The following NKAIN2 variants were observed in gnomAD, a reference collection of about 807,000 sequenced individuals.
The protein encoded by NKAIN2 is sodium/potassium transporting ATPase interacting 2, also known as sodium/potassium-transporting ATPase subunit beta-1-interacting protein 2.
Under a neutral mutation model 32.6 loss-of-function variants are expected in NKAIN2, and 14 were observed. That is an observed-to-expected ratio of 0.43 (90% CI 0.28 to 0.67). The LOEUF is 0.67. NKAIN2 is among the 30% of genes least tolerant of loss of function. The pLI is 0.17. For missense variants in NKAIN2, 198 were observed against 258.3 expected (o/e 0.77, Z 1.60); for synonymous variants, 80 against 87.2 (o/e 0.92, Z 0.46).
At chr6:123,958,839 A>G (rs1777715492) in intron 1 of NKAIN2, among the ~76,000 whole-genome samples, 1 of 152,256 alleles carries the variant, frequency 6.6e-6, no homozygotes, top group African/African-American at 2.4e-5. Context: ...CAGATGAGTG[A>G]AAGAATGAAT....
chr6:124,299,426 A>T (rs546713312), intron 2 of NKAIN2, among the ~76,000 whole-genome samples: 1 of 152,274 alleles, frequency 6.6e-6, no homozygotes, highest in African/African-American at 2.4e-5. Context: ...TATTTTTCCT[A>T]CATTTTCTCC....
chr6:124,392,537 C>T (rs903459406), intron 3 of NKAIN2, among the ~76,000 whole-genome samples: 6 of 151,730 alleles, frequency 4.0e-5, no homozygotes, highest in Non-Finnish European at 7.4e-5. Context: ...TGTGTGTGTG[C>T]GCTTGTGTGT....
intron 3 of NKAIN2, among the ~76,000 whole-genome samples, chr6:124,509,779 C>T (rs1778639274): frequency 6.6e-6 from 1 of 152,172 alleles, no homozygotes; most frequent in Non-Finnish European, 1.5e-5. Context: ...GTTTGTTTAT[C>T]TCATGCGATT....
intron 1 of NKAIN2, among the ~76,000 whole-genome samples, chr6:124,257,780 CTT>C (rs374874073): frequency 5.9e-5 from 8 of 136,184 alleles, no homozygotes; most frequent in East Asian, 2.1e-4. Context: ...TTTTTCTTTT[CTT>C]TTTTTTTTTT....
intron 3 of NKAIN2, among the ~76,000 whole-genome samples, chr6:124,559,754 G>T (rs1263266744): frequency 2.6e-5 from 4 of 151,290 alleles, no homozygotes; most frequent in Non-Finnish European, 5.9e-5. Context: ...CCTGGGTTCT[G>T]GTCTGAGGAC....
intron 1 of NKAIN2, among the ~76,000 whole-genome samples, chr6:124,111,505 G>A (rs1034940083): frequency 1.3e-5 from 2 of 151,952 alleles, no homozygotes; most frequent in Non-Finnish European, 2.9e-5. Context: ...TCATTTGTCT[G>A]ATGTACCCCT....
At chr6:123,858,385 G>A (rs760266005) in intron 1 of NKAIN2, among the ~76,000 whole-genome samples, 4 of 152,082 alleles carry the variant, frequency 2.6e-5, no homozygotes, top group Non-Finnish European at 5.9e-5. Context: ...CAAAGTGCTG[G>A]GATTACAGGC....
At chr6:124,569,386 C>A (rs1195069935) in intron 3 of NKAIN2, among the ~76,000 whole-genome samples, 1 of 152,094 alleles carries the variant, frequency 6.6e-6, no homozygotes, top group South Asian at 2.1e-4. Flanking sequence ...TCCCTAACAG[C>A]TTATAATGTG....
chr6:124,644,657 G>T (rs1784107325), intron 3 of NKAIN2, among the ~76,000 whole-genome samples: 4 of 151,916 alleles, frequency 2.6e-5, no homozygotes, highest in Admixed American at 2.6e-4. Context: ...GCCTGCCTCG[G>T]CCCCCCCAAA....
At chr6:123,811,621 T>C (rs2114864077) in intron 1 of NKAIN2, among the ~76,000 whole-genome samples, 1 of 139,604 alleles carries the variant, frequency 7.2e-6, no homozygotes, top group South Asian at 2.4e-4. Flanking sequence ...AAATAATTCC[T>C]GACCTATTTA....
intron 4 of NKAIN2, among the ~76,000 whole-genome samples, chr6:124,679,763 G>C (rs1429119469): frequency 1.3e-5 from 2 of 152,052 alleles, no homozygotes; most frequent in African/African-American, 4.8e-5. Context: ...TTTTTTCACA[G>C]AATAGGTCTT....
intron 4 of NKAIN2, among the ~76,000 whole-genome samples, chr6:124,734,361 T>C (rs1776837589): frequency 1.3e-5 from 2 of 151,866 alleles, no homozygotes; most frequent in African/African-American, 4.8e-5. Context: ...CCTTCAGCCT[T>C]ATCTACAGTT....
chr6:124,493,717 C>CAAAA (rs71021496), intron 3 of NKAIN2, among the ~76,000 whole-genome samples: 15 of 85,844 alleles, frequency 1.7e-4, no homozygotes, highest in African/African-American at 7.8e-4. Flanking sequence ...CCCCCCCCTC[C>CAAAA]AAAAAAAAAA....
intron 4 of NKAIN2, among the ~76,000 whole-genome samples, chr6:124,675,810 TA>T (rs952710922): frequency 1.6e-4 from 24 of 152,156 alleles, no homozygotes; most frequent in African/African-American, 4.6e-4. Context: ...GTTTTTTTAA[TA>T]TTTTTTTCCA....
At chr6:123,825,562 A>G (rs959771294) in intron 1 of NKAIN2, among the ~76,000 whole-genome samples, 1 of 152,078 alleles carries the variant, frequency 6.6e-6, no homozygotes, top group Non-Finnish European at 1.5e-5. Context: ...TGGATAATTT[A>G]CTTTTTCTCA....
At chr6:124,223,225 A>T in intron 1 of NKAIN2, among the ~76,000 whole-genome samples, 1 of 135,344 alleles carries the variant, frequency 7.4e-6, no homozygotes, top group East Asian at 2.2e-4. Flanking sequence ...AAAAAAAAAA[A>T]AAAAAAAAAA....
intron 4 of NKAIN2, among the ~76,000 whole-genome samples, chr6:124,761,923 T>C (rs551532327): frequency 6.6e-6 from 1 of 152,282 alleles, no homozygotes; most frequent in South Asian, 2.1e-4. Flanking sequence ...GTATACCCCA[T>C]AATCTCAATT....
At chr6:124,470,889 G>T (rs1180200638) in intron 3 of NKAIN2, among the ~76,000 whole-genome samples, 1 of 151,956 alleles carries the variant, frequency 6.6e-6, no homozygotes, top group African/African-American at 2.4e-5. Context: ...ATTAATATTA[G>T]CTCTTCTGTA....
chr6:124,710,747 T>C (rs1257401748), intron 4 of NKAIN2, among the ~76,000 whole-genome samples: 7 of 147,748 alleles, frequency 4.7e-5, no homozygotes, highest in African/African-American at 1.7e-4. Context: ...ATGGGTTTCC[T>C]GAATACAGCA....
Sources: allele counts gnomAD v4.1 joint callset (sites outside exome capture counted in the v4.1 genomes callset), GRCh38; gene constraint gnomAD v4.1.1; transcripts MANE v1.5; gene names NCBI Gene and HGNC (gene_info 2026-07-23, HGNC 2026-07-21).